CABIN1: variants seen among roughly 807,000 people sequenced by gnomAD.
The protein encoded by CABIN1 is calcineurin-binding protein cabin-1.
Under a neutral mutation model 227.7 loss-of-function variants are expected in CABIN1, and 133 were observed. That is an observed-to-expected ratio of 0.58 (90% CI 0.51 to 0.67). The LOEUF (loss-of-function observed/expected upper bound fraction) is 0.67. CABIN1 is among the 30% of genes least tolerant of loss of function. The pLI is 0.00. For missense variants in CABIN1, 2,408 were observed against 2,852.5 expected (o/e 0.84, Z 3.55); for synonymous variants, 1,086 against 1,155.1 (o/e 0.94, Z 1.21).
chr22:24,142,568 T>C (rs537996715), intron 29 of CABIN1, among the ~76,000 whole-genome samples: 1 of 152,226 alleles, frequency 6.6e-6, no homozygotes, highest in African/African-American at 2.4e-5. Context: ...TCTCCATCCC[T>C]CTGGCTTGTA....
At chr22:24,116,107 C>T (rs183697964) in intron 27 of CABIN1, among the ~76,000 whole-genome samples, 4 of 152,268 alleles carry the variant, frequency 2.6e-5, no homozygotes, top group South Asian at 2.1e-4. Flanking sequence ...TGGCCTTGAC[C>T]GAGGTGCCTT....
chr22:24,048,089 A>G (rs2147242707), intron 6 of CABIN1, among the ~76,000 whole-genome samples: 1 of 152,368 alleles, frequency 6.6e-6, no homozygotes, highest in South Asian at 2.1e-4. Flanking sequence ...TTCCAGATCA[A>G]TAACTTGAGG....
intron 32 of CABIN1, 51 bp downstream of exon 32, chr22:24,167,364 A>G: frequency 6.4e-7 from 1 of 1,560,072 alleles, no homozygotes; most frequent in Non-Finnish European, 8.7e-7. Flanking sequence ...CAGCATCCCC[A>G]CTCTTGCCTT....
chr22:24,050,841 G>C lies in CABIN1; in HGVS notation c.673G>C (p.Asp225His). 2 of 1,614,096 alleles carry C rather than the reference G, an allele frequency of 1.2e-6. No individual in the cohort carries two copies. Among genetic ancestry groups the C allele is most frequent in the Non-Finnish European group, 1.7e-6 (2 of 1,180,026 alleles). Residue 225 changes from aspartate (D) to histidine (H), a missense_variant, in exon 8 of 37, where the codon GAT (aspartate) becomes CAT (histidine). Asp to His is a moderately conservative substitution (Grantham distance 81, BLOSUM62 -1). This residue lies in a region of CABIN1 where 1,045 missense variants were observed against 1,168.4 expected (regional missense o/e 0.89). Coordinates refer to ENST00000263119, the MANE Select transcript of CABIN1 (RefSeq NM_012295.4). The part of the protein sequence containing the change: ...MFLKCDMSIH[D>H]VSVSAAETQA... ...TGCTTTTAGTGACATGTCGATTCAC[G>C]ATGTTTCGGTGAGTGCAGCTGAGAC...
rs56070926 is a variant in CABIN1, at chr22:24,042,818, CTGTGTGTGTGTGTG to C, written c.346-40_346-27del. 1.2e-3 allele frequency: 799 copies of C among 687,128 alleles called. 1 individual carries two copies. The highest frequency in any genetic ancestry group is 3.7e-3 in the South Asian group (228 of 61,410). The allele number at this position is 687,128 out of a possible 1,614,324, so 42.6% of individuals were successfully genotyped here. ...GGTGCATATTCAAGGAGAGATCTGACTGTGTGTGTGTGTGTGTGTGTGTGTGTGTGTGTGTGTGT... is the reference window on the plus strand; with the variant it reads ...GGTGCATATTCAAGGAGAGATCTGACTGTGTGTGTGTGTGTGTGTGTGTGT... On this transcript the variant is annotated intron_variant, in intron 5 of 36. Coordinates refer to ENST00000263119, the MANE Select transcript of CABIN1 (RefSeq NM_012295.4).
At position 24,096,084 on chromosome 22, in the gene CABIN1, T is replaced by C. The variant is rs774281340; in HGVS notation, c.3938+2T>C. ...GAACACACCCAAAGCTTCAGAAAAG[T>C]GAGTAGCACCCTTCAGGCGACCCCT... is the stretch of plus-strand genomic sequence containing the variant. On this transcript the variant is annotated splice_donor_variant, in intron 25 of 36. Coordinates refer to ENST00000263119, the MANE Select transcript of CABIN1 (RefSeq NM_012295.4). LOFTEE classifies it high-confidence loss of function. The C allele has an allele frequency of 1.9e-6, 3 of 1,613,986 alleles. No homozygotes were observed. In the East Asian group the frequency reaches 6.7e-5, roughly 36 times the overall value.
intron 29 of CABIN1, 78 bp from the exon 30 acceptor site, chr22:24,164,322 A>C: frequency 1.3e-6 from 2 of 1,566,510 alleles, no homozygotes; most frequent in Non-Finnish European, 1.7e-6. Flanking sequence ...GGCAGTTTCC[A>C]GGGGATACCA....
intron 28 of CABIN1, among the ~76,000 whole-genome samples, chr22:24,120,590 G>A (rs1602198898): frequency 6.6e-6 from 1 of 152,206 alleles, no homozygotes; most frequent in African/African-American, 2.4e-5. Flanking sequence ...GGGAGGCTGA[G>A]GCAGGGGGAT....
At chr22:24,033,088 AAAC>A (rs1385421747) in intron 1 of CABIN1, among the ~76,000 whole-genome samples, 24 of 152,284 alleles carry the variant, frequency 1.6e-4, no homozygotes, top group African/African-American at 5.5e-4. Context: ...AAAGAAACAA[AAAC>A]AAACACAAAA....
intron 24 of CABIN1, among the ~76,000 whole-genome samples, chr22:24,093,028 C>G (rs147551856): frequency 6.6e-6 from 1 of 152,108 alleles, no homozygotes; most frequent in Non-Finnish European, 1.5e-5. Flanking sequence ...CCACTTCTTG[C>G]TATGACAAGG....
At chr22:24,059,048 G>A (rs2039004576) in intron 10 of CABIN1, among the ~76,000 whole-genome samples, 179 bp from the exon 11 acceptor site, 1 of 152,214 alleles carries the variant, frequency 6.6e-6, no homozygotes, top group South Asian at 2.1e-4. Flanking sequence ...ACCAAATGCT[G>A]GCTCATGAGG....
intron 17 of CABIN1, 51 bp downstream of exon 17, chr22:24,071,093 G>T (rs1348221063): frequency 5.6e-6 from 9 of 1,611,570 alleles, no homozygotes; most frequent in Non-Finnish European, 7.6e-6. Flanking sequence ...GTATGTCTCT[G>T]TGACATCCTG....
At chr22:24,137,653 C>T (rs2044502574) in intron 29 of CABIN1, among the ~76,000 whole-genome samples, 1 of 152,242 alleles carries the variant, frequency 6.6e-6, no homozygotes, top group Admixed American at 6.5e-5. Flanking sequence ...TGCTTTCTTA[C>T]CTCTTCTCTT....
chr22:24,039,536 A>T (rs1042581384), intron 4 of CABIN1, among the ~76,000 whole-genome samples: 1 of 152,130 alleles, frequency 6.6e-6, no homozygotes, highest in African/African-American at 2.4e-5. Context: ...GAGAGGGAAA[A>T]TTAGTTTATT....
At position 24,177,400 on chromosome 22, in the gene CABIN1, C is replaced by T. The variant is rs1187337476; in HGVS notation, c.6206-104C>T. On this transcript the variant is annotated intron_variant, in intron 35 of 36. Transcript: ENST00000263119. This position sits in a 1 kb window ranked among gnomAD's most constrained non-coding sequence, Gnocchi z 4.4. ...AGCCTGCCAGCCAGCACAAACTACA[C>T]AGCATAAAGGCCCAGGACCTGGGGG... 3.9e-5 allele frequency: 40 copies of T among 1,033,374 alleles called. No homozygotes were observed. The highest frequency in any genetic ancestry group is 6.4e-5 in the African/African-American group (4 of 62,574). The allele number at this position is 1,033,374 out of a possible 1,614,324, so 64.0% of individuals were successfully genotyped here.
At chr22:24,105,142 C>A (rs1490046612) in intron 26 of CABIN1, among the ~76,000 whole-genome samples, 1 of 152,206 alleles carries the variant, frequency 6.6e-6, no homozygotes, top group African/African-American at 2.4e-5. Flanking sequence ...TCTTTTCTCA[C>A]ACTGAGTGGG....
intron 19 of CABIN1, among the ~76,000 whole-genome samples, chr22:24,080,106 T>A (rs1018310626): frequency 1.3e-5 from 2 of 152,230 alleles, no homozygotes; most frequent in Non-Finnish European, 2.9e-5. Flanking sequence ...ATCTAAATTT[T>A]ATTTTTGTTA....
intron 28 of CABIN1, among the ~76,000 whole-genome samples, chr22:24,129,770 A>G (rs2040764049): frequency 6.6e-6 from 1 of 152,164 alleles, no homozygotes; most frequent in South Asian, 2.1e-4. Flanking sequence ...CATCAGGGGG[A>G]AAGGTGAGGT....
chr22:24,071,359 A>G (rs117647424), intron 17 of CABIN1, among the ~76,000 whole-genome samples: 2,977 of 152,218 alleles, frequency 0.02, 52 homozygotes, highest in Middle Eastern at 0.031. Context: ...CAGAGGCAGA[A>G]TGGGGGCCAG....
Sources: allele counts gnomAD v4.1 joint callset (sites outside exome capture counted in the v4.1 genomes callset), GRCh38; gene constraint gnomAD v4.1.1; regional missense constraint gnomAD v4.1.1; non-coding constraint Gnocchi (gnomAD v3.1); transcripts MANE v1.5; gene names NCBI Gene and HGNC (gene_info 2026-07-23, HGNC 2026-07-21).